The following ZMIZ1 variants were observed in gnomAD, a reference collection of about 807,000 sequenced individuals.
ZMIZ1 encodes zinc finger MIZ domain-containing protein 1.
A neutral mutation model predicts 113.9 loss-of-function variants in ZMIZ1; 17 were observed. The observed-to-expected ratio is 0.15, with a 90% CI of 0.10 to 0.22. The LOEUF (loss-of-function observed/expected upper bound fraction) is 0.22. Ranked by LOEUF, ZMIZ1 falls within the 10% of genes least tolerant of loss-of-function variation. The pLI is 1.00. For synonymous variants in ZMIZ1, 607 were observed against 603.1 expected (o/e 1.01, Z -0.09); for missense variants, 1,059 against 1,477.8 (o/e 0.72, Z 4.65).
At chr10:79,091,849 G>A (rs1451006891) in intron 1 of ZMIZ1, among the ~76,000 whole-genome samples, 2 of 152,328 alleles carry the variant, frequency 1.3e-5, no homozygotes, top group East Asian at 1.9e-4. Flanking sequence ...AAGTGGGGAG[G>A]GAGAGGTGTG....
chr10:79,243,333 G>A (rs1279826386), intron 7 of ZMIZ1, among the ~76,000 whole-genome samples: 1 of 150,052 alleles, frequency 6.7e-6, no homozygotes, highest in Non-Finnish European at 1.5e-5. Flanking sequence ...CCGGGCGCGC[G>A]GCTGGCTGCC....
At chr10:79,308,452 G>A (rs1290582051) in intron 23 of ZMIZ1, among the ~76,000 whole-genome samples, 2 of 152,206 alleles carry the variant, frequency 1.3e-5, no homozygotes, top group African/African-American at 2.4e-5. Context: ...CACTGAGCAC[G>A]TGGCTGGGGG....
At chr10:79,284,461 T>A (rs181584374) in intron 8 of ZMIZ1, among the ~76,000 whole-genome samples, 164 of 152,306 alleles carry the variant, frequency 1.1e-3, no homozygotes, top group African/African-American at 3.8e-3. Flanking sequence ...CAGGTAGGAA[T>A]GAAAACGGCT....
intron 8 of ZMIZ1, among the ~76,000 whole-genome samples, chr10:79,288,546 A>G (rs928150883): frequency 1.3e-5 from 2 of 151,764 alleles, no homozygotes; most frequent in African/African-American, 4.9e-5. Context: ...ACACACACAC[A>G]CACCCTGTGC....
intron 1 of ZMIZ1, among the ~76,000 whole-genome samples, chr10:79,080,375 C>T (rs1334433418): frequency 1.4e-5 from 2 of 144,706 alleles, no homozygotes; most frequent in African/African-American, 2.6e-5. Context: ...GGCACGATCT[C>T]GGCTCACTGC....
chr10:79,168,585 A>G (rs539488265), intron 4 of ZMIZ1, among the ~76,000 whole-genome samples: 3 of 152,344 alleles, frequency 2.0e-5, no homozygotes, highest in Admixed American at 6.5e-5. Context: ...GGGCATAGCA[A>G]CAAGGTGATG....
chr10:79,076,346 G>C (rs1842475284), intron 1 of ZMIZ1, among the ~76,000 whole-genome samples: 2 of 152,202 alleles, frequency 1.3e-5, no homozygotes, highest in South Asian at 4.1e-4. Flanking sequence ...TCTGATGAGA[G>C]GCCCAGCTGA....
At chr10:79,223,572 G>T (rs973653108) in intron 7 of ZMIZ1, among the ~76,000 whole-genome samples, 1 of 152,262 alleles carries the variant, frequency 6.6e-6, no homozygotes, top group African/African-American at 2.4e-5. Flanking sequence ...CTGTTTAGTG[G>T]ACGAAACCTG....
intron 4 of ZMIZ1, among the ~76,000 whole-genome samples, chr10:79,183,849 T>G (rs1847236236): frequency 6.6e-6 from 1 of 152,188 alleles, no homozygotes; most frequent in African/African-American, 2.4e-5. Context: ...CATCACCAGT[T>G]AAGGGCTGGG....
intron 4 of ZMIZ1, among the ~76,000 whole-genome samples, chr10:79,168,048 G>C (rs1846430581): frequency 6.6e-6 from 1 of 152,182 alleles, no homozygotes; most frequent in Non-Finnish European, 1.5e-5. Flanking sequence ...TTAGGAGTCA[G>C]GCTGGCGGCA....
chr10:79,210,431 C>G (rs576775021), intron 6 of ZMIZ1, among the ~76,000 whole-genome samples: 1 of 152,236 alleles, frequency 6.6e-6, no homozygotes, highest in Non-Finnish European at 1.5e-5. Flanking sequence ...GCTGGCCTGC[C>G]AGGGGGAGCC....
At chr10:79,248,460 G>A (rs569441486) in intron 7 of ZMIZ1, among the ~76,000 whole-genome samples, 28 of 152,290 alleles carry the variant, frequency 1.8e-4, no homozygotes, top group Admixed American at 1.6e-3. Flanking sequence ...AGGCTTTGGA[G>A]CCTCAGAGGC....
Position 79,201,110 on chromosome 10 carries a change from C to A in ZMIZ1, c.-49-474C>A, listed in dbSNP as rs955173756. Among the ~76,000 whole-genome samples the A allele has an allele frequency of 1.4e-4, 21 of 152,256 alleles. 1 individual carries two copies. The highest frequency in any genetic ancestry group is 7.2e-4 in the Admixed American group (11 of 15,306). ...ATCACCTGAGGTCAGGAGTTCGAGACCAGCCTGGCCAACATGGTGAAACTC... is the reference window on the plus strand; with the variant it reads ...ATCACCTGAGGTCAGGAGTTCGAGAACAGCCTGGCCAACATGGTGAAACTC... On this transcript the variant is annotated intron_variant, in intron 4 of 24. Transcript: ENST00000334512.
At chr10:79,146,931 G>A (rs560552071) in intron 3 of ZMIZ1, among the ~76,000 whole-genome samples, 43 of 136,838 alleles carry the variant, frequency 3.1e-4, no homozygotes, top group Admixed American at 2.2e-3. Flanking sequence ...GTGGCTGTGC[G>A]TGTGTGTAGT....
chr10:79,252,850 T>C (rs1850637466), intron 7 of ZMIZ1, among the ~76,000 whole-genome samples: 1 of 152,200 alleles, frequency 6.6e-6, no homozygotes, highest in African/African-American at 2.4e-5. Flanking sequence ...CAGCCCTTGG[T>C]ATGTGCAGGA....
chr10:79,292,688 C>T (rs117101275), intron 11 of ZMIZ1: 32 of 485,514 alleles, frequency 6.6e-5, no homozygotes, highest in Non-Finnish European at 1.2e-4. Flanking sequence ...GGAGTGGGCT[C>T]AATGTCTAAA....
Position 79,201,704 on chromosome 10 carries a change from G to A in ZMIZ1, c.60+12G>A. ...AGTGCATCAAGCAGGTGGGTGTGGG[G>A]CAAGGCACACTCCGAGGGCGGGGCA... On this transcript the variant is annotated intron_variant, in intron 5 of 24. Transcript: ENST00000334512. 1.9e-6 allele frequency: 3 copies of A among 1,612,298 alleles called. No homozygotes were observed. Among genetic ancestry groups the A allele is most frequent in the Non-Finnish European group, 1.7e-6 (2 of 1,179,728 alleles).
At chr10:79,263,709 T>C (rs916048688) in intron 7 of ZMIZ1, among the ~76,000 whole-genome samples, 1 of 151,930 alleles carries the variant, frequency 6.6e-6, no homozygotes, top group Non-Finnish European at 1.5e-5. Flanking sequence ...GGCTTGGAAT[T>C]GGACACTAAG....
intron 7 of ZMIZ1, among the ~76,000 whole-genome samples, chr10:79,241,922 A>G (rs1849851537): frequency 6.6e-6 from 1 of 151,980 alleles, no homozygotes; most frequent in Non-Finnish European, 1.5e-5. Flanking sequence ...GATTTTAAAG[A>G]CAGTCATGGC....
Sources: gnomAD v4.1 joint callset for allele counts (sites outside exome capture counted in the v4.1 genomes callset) on GRCh38, gnomAD v4.1.1 for gene constraint, MANE v1.5 for transcripts, NCBI Gene and HGNC (gene_info 2026-07-23, HGNC 2026-07-21) for gene names.